RGS6: variants seen among roughly 807,000 people sequenced by gnomAD.
RGS6 encodes the protein regulator of G protein signaling 6.
In RGS6, 30 loss-of-function variants were observed where a neutral mutation model predicts 78.5. The observed-to-expected ratio is 0.38, with a 90% confidence interval of 0.29 to 0.52. The LOEUF is 0.52. RGS6 is among the 20% of genes least tolerant of loss of function. RGS6 has a pLI of 0.85. For missense variants in RGS6, 495 were observed against 609.7 expected, an observed-to-expected ratio of 0.81 and a Z score of 1.98; for synonymous variants, 206 against 206.0, an observed-to-expected ratio of 1.00 and a Z score of 0.00.
intron 17 of RGS6, among the ~76,000 whole-genome samples, chr14:72,555,749 A>G (rs1244211988): frequency 6.6e-6 from 1 of 152,260 alleles, no homozygotes; most frequent in Non-Finnish European, 1.5e-5. Context: ...AGTGGAGTTT[A>G]TAGAAATGCC....
chr14:71,915,999 C>G, the RGS6 span, among the ~76,000 whole-genome samples: 1 of 152,146 alleles, frequency 6.6e-6, no homozygotes, highest in African/African-American at 2.4e-5. Flanking sequence ...AACCAACCTG[C>G]CCTTGATCTT....
intron 1 of RGS6, among the ~76,000 whole-genome samples, chr14:71,963,370 G>A (rs1214282798): frequency 6.6e-6 from 1 of 152,054 alleles, no homozygotes. Context: ...CTTAATTGAG[G>A]TGAAATTCAC....
At chr14:72,059,200 G>C (rs572319197) in intron 2 of RGS6, among the ~76,000 whole-genome samples, 1 of 152,238 alleles carries the variant, frequency 6.6e-6, no homozygotes, top group South Asian at 2.1e-4. Context: ...GCGCCTTCCT[G>C]CTGTGCTTAT....
the RGS6 span, chr14:72,612,394 C>T: frequency 2.0e-6 from 1 of 498,976 alleles, no homozygotes; most frequent in Non-Finnish European, 4.0e-6. Flanking sequence ...TCTATATTTT[C>T]ATGCTCTTGC....
intron 2 of RGS6, among the ~76,000 whole-genome samples, chr14:72,263,374 C>G (rs1379061240): frequency 2.0e-5 from 3 of 152,126 alleles, no homozygotes; most frequent in Admixed American, 1.3e-4. Flanking sequence ...GACGACCCAG[C>G]CTTGTCACCA....
At chr14:72,017,370 T>TTAA in intron 2 of RGS6, among the ~76,000 whole-genome samples, 1 of 152,372 alleles carries the variant, frequency 6.6e-6, no homozygotes, top group Non-Finnish European at 1.5e-5. Flanking sequence ...ATAAAATCTT[T>TTAA]TAATAATAAT....
intron 2 of RGS6, among the ~76,000 whole-genome samples, chr14:72,009,418 A>G (rs892468424): frequency 3.3e-5 from 5 of 152,140 alleles, no homozygotes; most frequent in Non-Finnish European, 5.9e-5. Flanking sequence ...GGTAGACAGC[A>G]TTTTCCACTT....
chr14:72,030,012 G>A (rs925952375), intron 2 of RGS6, among the ~76,000 whole-genome samples: 24 of 152,130 alleles, frequency 1.6e-4, no homozygotes, highest in African/African-American at 2.7e-4. Flanking sequence ...CAATTATCTC[G>A]TCATTCTACA....
intron 13 of RGS6, among the ~76,000 whole-genome samples, chr14:72,507,435 A>T (rs2153439670): frequency 6.6e-6 from 1 of 152,306 alleles, no homozygotes; most frequent in South Asian, 2.1e-4. Context: ...CCAGTTTGTT[A>T]GTCCTTTGTT....
chr14:72,294,864 G>T (rs1400196357), intron 2 of RGS6, among the ~76,000 whole-genome samples: 5 of 152,122 alleles, frequency 3.3e-5, no homozygotes, highest in Non-Finnish European at 7.4e-5. Flanking sequence ...CAACATGGGG[G>T]ATTACAACTA....
chr14:72,549,365 A>T (rs2097462986), intron 17 of RGS6, among the ~76,000 whole-genome samples: 1 of 152,160 alleles, frequency 6.6e-6, no homozygotes, highest in East Asian at 1.9e-4. Flanking sequence ...GGCACAGGGC[A>T]TTGGCAACCA....
At chr14:72,376,234 C>A (rs997750326) in intron 3 of RGS6, among the ~76,000 whole-genome samples, 1 of 152,074 alleles carries the variant, frequency 6.6e-6, no homozygotes, top group African/African-American at 2.4e-5. Context: ...TTGAGAACTT[C>A]AACACCAGAC....
At chr14:72,214,791 T>C (rs2045153853) in intron 2 of RGS6, among the ~76,000 whole-genome samples, 1 of 151,958 alleles carries the variant, frequency 6.6e-6, no homozygotes, top group Non-Finnish European at 1.5e-5. Flanking sequence ...AGACACTGTC[T>C]CTTAAAAAAA....
intron 2 of RGS6, among the ~76,000 whole-genome samples, chr14:72,061,111 T>C (rs1023912555): frequency 3.9e-5 from 6 of 152,210 alleles, no homozygotes; most frequent in African/African-American, 1.2e-4. Context: ...GCTAATGAAA[T>C]GTGAGCAAAG....
At chr14:72,122,340 C>T (rs2096070908) in intron 2 of RGS6, among the ~76,000 whole-genome samples, 1 of 152,148 alleles carries the variant, frequency 6.6e-6, no homozygotes, top group African/African-American at 2.4e-5. Context: ...ATCTAATCAT[C>T]AGTAGCCATA....
At chr14:72,296,729 A>T (rs572121343) in intron 2 of RGS6, among the ~76,000 whole-genome samples, 3 of 152,118 alleles carry the variant, frequency 2.0e-5, no homozygotes, top group African/African-American at 7.2e-5. Context: ...TTTTCTCCCA[A>T]TCTGTAGTTT....
chr14:72,155,943 A>T (rs1371649867), intron 2 of RGS6, among the ~76,000 whole-genome samples: 2 of 152,236 alleles, frequency 1.3e-5, no homozygotes, highest in Non-Finnish European at 2.9e-5. Flanking sequence ...GGCCTGGAGC[A>T]GTTGCTCTCA....
At chr14:72,217,087 G>A (rs977318152) in intron 2 of RGS6, among the ~76,000 whole-genome samples, 7 of 152,092 alleles carry the variant, frequency 4.6e-5, no homozygotes, top group East Asian at 1.9e-4. Flanking sequence ...GGGGGCTAGC[G>A]GTAGACCCCT....
chr14:72,230,819 C>T (rs1245305371), intron 2 of RGS6, among the ~76,000 whole-genome samples: 1 of 152,116 alleles, frequency 6.6e-6, no homozygotes, highest in Non-Finnish European at 1.5e-5. Context: ...TGACAGTCAG[C>T]TGATTGTAGC....
Sources: allele counts gnomAD v4.1 joint callset (sites outside exome capture counted in the v4.1 genomes callset), GRCh38; gene constraint gnomAD v4.1.1; transcripts MANE v1.5; gene names NCBI Gene and HGNC (gene_info 2026-07-23, HGNC 2026-07-21).